TIAM1: variants seen among roughly 807,000 people sequenced by gnomAD.
TIAM1 encodes rho guanine nucleotide exchange factor TIAM1.
Under a neutral mutation model 163.5 loss-of-function variants are expected in TIAM1, and 65 were observed. That is an observed-to-expected ratio of 0.40 (90% CI 0.33 to 0.49). The LOEUF (loss-of-function observed/expected upper bound fraction) is 0.49. Ranked by LOEUF, TIAM1 falls within the 20% of genes least tolerant of loss-of-function variation. The pLI is 0.77. For missense variants in TIAM1, 1,789 were observed against 2,044.7 expected (o/e 0.87, Z 2.41); for synonymous variants, 833 against 810.1 (o/e 1.03, Z -0.48).
intron 2 of TIAM1, among the ~76,000 whole-genome samples, chr21:31,322,145 T>C (rs1327830761): frequency 6.6e-6 from 1 of 152,230 alleles, no homozygotes; most frequent in Non-Finnish European, 1.5e-5. Context: ...ATAGTTTTGA[T>C]TGCCATCTTT....
At chr21:31,152,822 A>G (rs1235159505) in intron 18 of TIAM1, 61 bp from the exon 19 acceptor site, 3 of 1,569,002 alleles carry the variant, frequency 1.9e-6, no homozygotes, top group Non-Finnish European at 1.7e-6. Context: ...AACGTTATTT[A>G]TATCTGATTA....
intron 1 of TIAM1, chr21:31,558,911 G>C (rs2048991946): frequency 6.6e-6 from 1 of 152,010 alleles, no homozygotes; most frequent in African/African-American, 2.4e-5. Flanking sequence ...GCGCACCCCA[G>C]GCCCGCGGTA....
Position 31,228,245 on chromosome 21 carries a change from A to AGAAATAATCTGATAAGGATTTTTCCTTT in TIAM1, c.1585-2296_1585-2295insAAAGGAAAAATCCTTATCAGATTATTTC, listed in dbSNP as rs774208885. Among the ~76,000 whole-genome samples the AGAAATAATCTGATAAGGATTTTTCCTTT allele has an allele frequency of 1.0e-4, 7 of 67,134 alleles. 1 individual carries two copies. Among genetic ancestry groups the AGAAATAATCTGATAAGGATTTTTCCTTT allele is most frequent in the Non-Finnish European group, 2.3e-4 (6 of 26,072 alleles). 44.0% of individuals were successfully genotyped at this position (67,134 alleles called of 152,430 possible). A position where few individuals can be genotyped will look rare whatever the true frequency, so the allele number is the denominator to read the frequency against. ...TAAAAAAAAAAAAAAAAAAAAAAAA[A>AGAAATAATCTGATAAGGATTTTTCCTTT]AAAAAAAAAAAAAAGGAAGGAAAAA... On this transcript the variant is annotated intron_variant, in intron 6 of 27. Transcript: ENST00000541036.
chr21:31,511,802 G>C (rs1221620210), intron 1 of TIAM1, among the ~76,000 whole-genome samples: 2 of 152,208 alleles, frequency 1.3e-5, no homozygotes, highest in African/African-American at 2.4e-5. Context: ...ATTCCTAAAT[G>C]ATTAAAATGT....
chr21:31,335,603 G>A (rs2075811593), intron 2 of TIAM1, among the ~76,000 whole-genome samples: 2 of 151,964 alleles, frequency 1.3e-5, no homozygotes, highest in South Asian at 4.1e-4. Context: ...TACTTGGGAG[G>A]CTGAGGTGGG....
intron 1 of TIAM1, among the ~76,000 whole-genome samples, chr21:31,468,547 C>A (rs201981025): frequency 1.8e-4 from 28 of 151,374 alleles, no homozygotes. Flanking sequence ...GAGACCAAAG[C>A]GGGCGGATCA....
chr21:31,453,313 T>C (rs1239332170), intron 2 of TIAM1: 1 of 184,066 alleles, frequency 5.4e-6, no homozygotes, highest in Non-Finnish European at 1.1e-5. Context: ...ATGTTGGAAC[T>C]GCCTATGAAG....
intron 2 of TIAM1, among the ~76,000 whole-genome samples, chr21:31,324,169 C>T (rs181437610): frequency 7.9e-5 from 12 of 152,118 alleles, no homozygotes; most frequent in Non-Finnish European, 4.4e-5. Flanking sequence ...ACAATGACTG[C>T]GTGCGTGGAA....
intron 15 of TIAM1, among the ~76,000 whole-genome samples, chr21:31,173,936 G>C (rs1446317891): frequency 6.6e-6 from 1 of 152,174 alleles, no homozygotes; most frequent in African/African-American, 2.4e-5. Flanking sequence ...CCCGGCCATA[G>C]CAGGGCCCAC....
chr21:31,445,344 G>A (rs536098354), intron 2 of TIAM1, among the ~76,000 whole-genome samples: 1 of 152,254 alleles, frequency 6.6e-6, no homozygotes, highest in African/African-American at 2.4e-5. Flanking sequence ...TGTTTAATAC[G>A]TGTGTCTTCC....
intron 2 of TIAM1, among the ~76,000 whole-genome samples, chr21:31,380,724 C>G (rs1330509329): frequency 6.6e-6 from 1 of 152,118 alleles, no homozygotes; most frequent in African/African-American, 2.4e-5. Flanking sequence ...AAGGAATAGA[C>G]TCAATACCCT....
At chr21:31,215,747 A>T (rs1211026077) in intron 9 of TIAM1, among the ~76,000 whole-genome samples, 1 of 152,120 alleles carries the variant, frequency 6.6e-6, no homozygotes. Flanking sequence ...AAGCTCAATG[A>T]TCTACTCTCC....
At chr21:31,268,905 A>G (rs1277018305) in intron 3 of TIAM1, among the ~76,000 whole-genome samples, 2 of 152,144 alleles carry the variant, frequency 1.3e-5, no homozygotes, top group Non-Finnish European at 1.5e-5. Context: ...GGATGTGCCT[A>G]TGTAACTATA....
intron 20 of TIAM1, among the ~76,000 whole-genome samples, 185 bp downstream of exon 20, chr21:31,146,710 C>CAAAAAA (rs55662795): frequency 9.9e-5 from 13 of 131,690 alleles, no homozygotes; most frequent in African/African-American, 3.8e-4. Context: ...GACTCTGTCT[C>CAAAAAA]AAAAAAAAAA....
At chr21:31,534,481 G>A (rs1293705117) in intron 1 of TIAM1, among the ~76,000 whole-genome samples, 1 of 152,170 alleles carries the variant, frequency 6.6e-6, no homozygotes, top group Non-Finnish European at 1.5e-5. Flanking sequence ...TTCAAGACCA[G>A]CCTGGCCAAC....
At chr21:31,355,606 C>T (rs947584209) in intron 2 of TIAM1, among the ~76,000 whole-genome samples, 7 of 151,766 alleles carry the variant, frequency 4.6e-5, no homozygotes, top group African/African-American at 1.7e-4. Flanking sequence ...GGCTGGAGTG[C>T]AGTGATGTGA....
intron 6 of TIAM1, among the ~76,000 whole-genome samples, chr21:31,231,118 G>A (rs749015643): frequency 8.1e-4 from 123 of 152,038 alleles, no homozygotes; most frequent in Non-Finnish European, 1.2e-3. Flanking sequence ...TTCTTGCCCC[G>A]TTGCCACGGT....
rs11291911 is a variant in TIAM1 at position 31,432,091 on chromosome 21, C to CTTT, written c.-369+31889_-369+31891dup. 2.5e-3 allele frequency among the ~76,000 whole-genome samples: 236 copies of CTTT among 93,662 alleles called. 13 individuals carry two copies. The highest frequency in any genetic ancestry group is 0.015 in the Middle Eastern group (2 of 136). The allele number at this position is 93,662 out of a possible 152,430, so 61.4% of individuals were successfully genotyped here. A position where few individuals can be genotyped will look rare whatever the true frequency, so the allele number is the denominator to read the frequency against. ...TGAACATGTCAAAAATCTAAGATTC[C>CTTT]TTTTTTTTTTTTTTTTTTTTTTTTT... is the stretch of plus-strand genomic sequence containing the variant. On this transcript the variant is annotated intron_variant, in intron 2 of 28. Coordinates refer to the TIAM1 transcript ENST00000286827.
At chr21:31,511,852 T>C (rs1468887402) in intron 1 of TIAM1, among the ~76,000 whole-genome samples, 1 of 152,146 alleles carries the variant, frequency 6.6e-6, no homozygotes, top group Non-Finnish European at 1.5e-5. Context: ...GGGAAAAATA[T>C]TATAACAACA....
Sources: gnomAD v4.1 joint callset for allele counts (sites outside exome capture counted in the v4.1 genomes callset) on GRCh38, gnomAD v4.1.1 for gene constraint, MANE v1.5 for transcripts, NCBI Gene and HGNC (gene_info 2026-07-23, HGNC 2026-07-21) for gene names.